Variants in GALNTL6 observed in about 807,000 individuals in gnomAD.
GALNTL6 encodes polypeptide N-acetylgalactosaminyltransferase like 6, also known as polypeptide N-acetylgalactosaminyltransferase-like 6.
A neutral mutation model predicts 73.7 loss-of-function variants in GALNTL6; 46 were observed. The observed-to-expected ratio is 0.62, with a 90% CI of 0.49 to 0.80. The LOEUF (loss-of-function observed/expected upper bound fraction) is 0.80. GALNTL6 is among the 30% of genes least tolerant of loss of function. The probability of loss-of-function intolerance (pLI) is 0.00; values close to 1 mark genes in which losing one functional copy is unlikely to be tolerated. For synonymous variants in GALNTL6, 259 were observed against 263.7 expected (o/e 0.98, Z 0.17); for missense variants, 604 against 755.0 (o/e 0.80, Z 2.34).
intron 2 of GALNTL6, among the ~76,000 whole-genome samples, chr4:172,226,847 C>T (rs1736884578): frequency 6.6e-6 from 1 of 152,104 alleles, no homozygotes; most frequent in Non-Finnish European, 1.5e-5. Context: ...TTTTACATTT[C>T]AGGAACTCTC....
chr4:172,910,582 T>C (rs1265395539), intron 8 of GALNTL6, among the ~76,000 whole-genome samples: 3 of 152,228 alleles, frequency 2.0e-5, no homozygotes, highest in African/African-American at 7.2e-5. Context: ...AAGAAAAACC[T>C]TTTAAAATAC....
At chr4:172,790,924 G>A (rs1268307833) in intron 5 of GALNTL6, among the ~76,000 whole-genome samples, 2 of 146,132 alleles carry the variant, frequency 1.4e-5, no homozygotes, top group South Asian at 4.4e-4. Flanking sequence ...AAAAGCATCA[G>A]TTCTTCCACC....
chr4:172,127,535 A>T (rs1270361455), intron 2 of GALNTL6, among the ~76,000 whole-genome samples: 1 of 152,270 alleles, frequency 6.6e-6, no homozygotes, highest in East Asian at 1.9e-4. Context: ...TGGATTACTT[A>T]TGAAAACTAA....
intron 10 of GALNTL6, among the ~76,000 whole-genome samples, chr4:172,954,109 C>G (rs889645387): frequency 6.6e-6 from 1 of 152,202 alleles, no homozygotes; most frequent in African/African-American, 2.4e-5. Flanking sequence ...CACTACAGGG[C>G]TAAAATCTCA....
intron 5 of GALNTL6, among the ~76,000 whole-genome samples, chr4:172,442,789 TA>T (rs1292980545): frequency 2.0e-5 from 3 of 152,146 alleles, no homozygotes; most frequent in Non-Finnish European, 4.4e-5. Flanking sequence ...TATTTGCCAT[TA>T]AGATCTAGCA....
Position 172,852,636 on chromosome 4 carries a change from A to G in GALNTL6, c.924-30154A>G, listed in dbSNP as rs10016414. Among the ~76,000 whole-genome samples, 408 of 152,232 alleles carry G rather than the reference A, an allele frequency of 2.7e-3. 2 individuals carry two copies. The highest frequency in any genetic ancestry group is 9.0e-3 in the African/African-American group (375 of 41,584). On this transcript the variant is annotated intron_variant, in intron 7 of 12. Transcript: ENST00000506823. ...TTTGACAATGAGAAGTCAGTGGATC[A>G]TAGAGATAGTAAGTGATAATAAAAC... is the stretch of plus-strand genomic sequence containing the variant.
At chr4:172,119,134 A>G (rs557163910) in intron 2 of GALNTL6, among the ~76,000 whole-genome samples, 2 of 152,338 alleles carry the variant, frequency 1.3e-5, no homozygotes, top group Non-Finnish European at 2.9e-5. Flanking sequence ...TTTCTTGATA[A>G]TGCTAGAGAA....
intron 10 of GALNTL6, among the ~76,000 whole-genome samples, chr4:172,971,490 A>G (rs1393977674): frequency 6.6e-6 from 1 of 152,212 alleles, no homozygotes; most frequent in African/African-American, 2.4e-5. Flanking sequence ...ATTATATATA[A>G]TCTGACAATG....
At chr4:172,147,013 C>T (rs555260800) in intron 2 of GALNTL6, among the ~76,000 whole-genome samples, 14 of 152,110 alleles carry the variant, frequency 9.2e-5, no homozygotes, top group Non-Finnish European at 1.6e-4. Context: ...TGTCAAAACA[C>T]AGTTACAGAT....
intron 5 of GALNTL6, among the ~76,000 whole-genome samples, chr4:172,652,514 G>C (rs1257582729): frequency 1.3e-5 from 2 of 152,184 alleles, no homozygotes; most frequent in Non-Finnish European, 2.9e-5. Context: ...AGAATAAAAA[G>C]CAAGTGAAAT....
chr4:171,885,788 G>C (rs1043528975), intron 2 of GALNTL6, among the ~76,000 whole-genome samples: 1 of 152,144 alleles, frequency 6.6e-6, no homozygotes, highest in African/African-American at 2.4e-5. Context: ...CTGAGTCACA[G>C]TATGAGAACC....
chr4:172,942,691 G>A (rs989757604), intron 9 of GALNTL6, among the ~76,000 whole-genome samples: 10 of 152,062 alleles, frequency 6.6e-5, no homozygotes, highest in African/African-American at 1.7e-4. Flanking sequence ...TTCTGCTTTC[G>A]CTTGCCTCTG....
intron 2 of GALNTL6, among the ~76,000 whole-genome samples, chr4:172,126,982 C>T (rs941403175): frequency 6.6e-6 from 1 of 152,178 alleles, no homozygotes; most frequent in Non-Finnish European, 1.5e-5. Flanking sequence ...TCAAGGAAGC[C>T]GCCAAACATT....
chr4:171,993,470 T>C (rs557629814), intron 2 of GALNTL6, among the ~76,000 whole-genome samples: 2 of 152,208 alleles, frequency 1.3e-5, no homozygotes, highest in East Asian at 3.9e-4. Context: ...AATGATTATC[T>C]GAGGAGTGTG....
At chr4:172,048,049 G>A (rs1428948444) in intron 2 of GALNTL6, among the ~76,000 whole-genome samples, 1 of 151,980 alleles carries the variant, frequency 6.6e-6, no homozygotes, top group East Asian at 1.9e-4. Flanking sequence ...CACAAAGACA[G>A]GAACCTTGTT....
chr4:171,951,271 T>C (rs890211353), intron 2 of GALNTL6, among the ~76,000 whole-genome samples: 5 of 152,060 alleles, frequency 3.3e-5, no homozygotes, highest in Non-Finnish European at 7.4e-5. Flanking sequence ...AAAGTATTAC[T>C]AGAGAGGATA....
chr4:172,349,690 T>C (rs1327625004), intron 5 of GALNTL6, among the ~76,000 whole-genome samples: 1 of 152,044 alleles, frequency 6.6e-6, no homozygotes, highest in Non-Finnish European at 1.5e-5. Flanking sequence ...CTAGTATCTA[T>C]ATATACTGGG....
intron 7 of GALNTL6, among the ~76,000 whole-genome samples, chr4:172,822,046 C>A (rs542049334): frequency 6.6e-6 from 1 of 152,318 alleles, no homozygotes; most frequent in South Asian, 2.1e-4. Flanking sequence ...TCAGAAATGA[C>A]TGCTTCTTTC....
chr4:172,197,279 G>A (rs562144377), intron 2 of GALNTL6, among the ~76,000 whole-genome samples: 1 of 152,190 alleles, frequency 6.6e-6, no homozygotes, highest in East Asian at 1.9e-4. Flanking sequence ...ACTGCTCAAA[G>A]AAATCAGAGA....
Sources: gnomAD v4.1 joint callset for allele counts (sites outside exome capture counted in the v4.1 genomes callset) on GRCh38, gnomAD v4.1.1 for gene constraint, MANE v1.5 for transcripts, NCBI Gene and HGNC (gene_info 2026-07-23, HGNC 2026-07-21) for gene names.